The following PKD1L1 variants were observed in gnomAD, a reference collection of about 807,000 sequenced individuals.
PKD1L1 encodes polycystin 1 like 1, transient receptor potential channel interacting.
PKD1L1 carries 236 observed loss-of-function variants against 323.4 expected under a neutral mutation model. The ratio of observed to expected loss-of-function variants is 0.73; its 90% CI spans 0.66 to 0.81. PKD1L1 has a LOEUF of 0.81. PKD1L1 is among the 40% of genes least tolerant of loss of function. The pLI is 0.00. For missense variants in PKD1L1, 3,320 were observed against 3,508.0 expected, an observed-to-expected ratio of 0.95 and a Z score of 1.35; for synonymous variants, 1,344 against 1,335.0, an observed-to-expected ratio of 1.01 and a Z score of -0.15.
chr7:47,823,062 C>A (rs1785178427), intron 45 of PKD1L1, among the ~76,000 whole-genome samples: 1 of 151,342 alleles, frequency 6.6e-6, no homozygotes, highest in Non-Finnish European at 1.5e-5. Flanking sequence ...TAACTTCTTT[C>A]TCTTGCCTAT....
At chr7:47,857,471 G>A (rs541840571) in intron 28 of PKD1L1, 134 bp downstream of exon 28, 2 of 685,144 alleles carry the variant, frequency 2.9e-6, no homozygotes, top group African/African-American at 1.8e-5. Context: ...GATCCCTCTT[G>A]GCACTGAGAG....
In PKD1L1 at chr7:47,910,335, C is replaced by CTT. The variant is rs764658101; in HGVS notation, c.1229-2087_1229-2086dup. ...CCAAATCTTAGGCATATCTTACTTT[C>CTT]TTTTTTTTTTTTTTTTTGAGACAGA... On this transcript the variant is annotated intron_variant, in intron 8 of 56. Transcript: ENST00000289672. 8.2e-4 allele frequency among the ~76,000 whole-genome samples: 113 copies of CTT among 137,524 alleles called. 1 individual carries two copies. The highest frequency in any genetic ancestry group is 3.1e-3 in the Admixed American group (43 of 13,830). 90.2% of individuals were successfully genotyped at this position (137,524 alleles called of 152,430 possible).
At chr7:47,785,210 G>C (rs575250705) in intron 56 of PKD1L1, among the ~76,000 whole-genome samples, 7 of 152,056 alleles carry the variant, frequency 4.6e-5, no homozygotes, top group Non-Finnish European at 1.0e-4. Context: ...ACCCCTCTCG[G>C]CTTCACATGA....
intron 34 of PKD1L1, among the ~76,000 whole-genome samples, chr7:47,842,522 C>T (rs925502579): frequency 4.6e-5 from 7 of 152,154 alleles, no homozygotes; most frequent in African/African-American, 7.2e-5. Flanking sequence ...CAGCTCACCG[C>T]GGCACCCCTG....
Position 47,852,618 on chromosome 7 carries a change from C to T in PKD1L1, c.4960+509G>A, listed in dbSNP as rs113815792. 3.2e-3 allele frequency among the ~76,000 whole-genome samples: 484 copies of T among 152,246 alleles called. 7 individuals carry two copies. Among genetic ancestry groups the T allele is most frequent in the African/African-American group, 0.011 (469 of 41,528 alleles). ...TTTTGGGGAAGGGGTTACTGAGGCT[C>T]AGAATCCTAAGCCACCAGGGGCAGA... On this transcript the variant is annotated intron_variant, in intron 31 of 56. Transcript: ENST00000289672.
chr7:47,813,837 A>C, intron 48 of PKD1L1, 94 bp downstream of exon 48: 2 of 1,057,302 alleles, frequency 1.9e-6, no homozygotes, highest in Non-Finnish European at 2.9e-6. Context: ...CTCACAGAGA[A>C]GTTCAAATGA....
intron 7 of PKD1L1, 23 bp downstream of exon 7, chr7:47,929,181 G>A: frequency 1.2e-6 from 2 of 1,603,682 alleles, no homozygotes; most frequent in Non-Finnish European, 1.7e-6. Flanking sequence ...CCAGGCTCCT[G>A]ATAAGGACAC....
chr7:47,869,411 A>C (rs1049475955), intron 24 of PKD1L1, among the ~76,000 whole-genome samples: 1 of 152,202 alleles, frequency 6.6e-6, no homozygotes, highest in Admixed American at 6.5e-5. Context: ...TGTAAGTAAA[A>C]GGATGGAAAG....
intron 56 of PKD1L1, among the ~76,000 whole-genome samples, chr7:47,787,102 T>G (rs1454294067): frequency 6.6e-6 from 1 of 152,122 alleles, no homozygotes. Flanking sequence ...GTTAGGAAAT[T>G]CAAACGAATT....
chr7:47,908,300 A>AT lies in PKD1L1; in HGVS notation c.1229-51dup, dbSNP rs779207459. ...ACTTGATGAATTTTTAATAACAAGC[A>AT]TAACAGTTAACATTTGTAGAATGGT... On this transcript the variant is annotated intron_variant, in intron 8 of 56. Coordinates refer to ENST00000289672, the MANE Select transcript of PKD1L1 (RefSeq NM_138295.5). The AT allele has an allele frequency of 1.2e-4, 180 of 1,531,126 alleles. 3 individuals carry two copies. The South Asian group carries it at 2.0e-3, about 17-fold the overall frequency. The allele number at this position is 1,531,126 out of a possible 1,614,324, so 94.8% of individuals were successfully genotyped here.
At chr7:47,849,164 G>A (rs754134917) in intron 31 of PKD1L1, among the ~76,000 whole-genome samples, 1 of 152,152 alleles carries the variant, frequency 6.6e-6, no homozygotes, top group Non-Finnish European at 1.5e-5. Flanking sequence ...AATAAAACTG[G>A]ATCCTCATCT....
At chr7:47,886,337 T>C (rs1786684652) in intron 17 of PKD1L1, among the ~76,000 whole-genome samples, 1 of 152,048 alleles carries the variant, frequency 6.6e-6, no homozygotes, top group South Asian at 2.1e-4. Flanking sequence ...ATCTGCTGAA[T>C]CCTATGCACT....
chr7:47,857,157 G>A lies in PKD1L1; in HGVS notation c.4590+448C>T, dbSNP rs557216180. On this transcript the variant is annotated intron_variant, in intron 28 of 56. Transcript: ENST00000289672. ...CCTCTCTGGTGAGCAGGGAGGATGG[G>A]GGGTAAGCACTGCCATGTCCTCAGC... 1.2e-4 allele frequency among the ~76,000 whole-genome samples: 18 copies of A among 152,334 alleles called. No individual in the cohort carries two copies. The South Asian group carries it at 3.7e-3, about 32-fold the overall frequency.
chr7:47,948,251 C>G, intron 1 of PKD1L1, 146 bp downstream of exon 1: 2 of 879,866 alleles, frequency 2.3e-6, no homozygotes, highest in Non-Finnish European at 3.6e-6. Context: ...CTGACCCCGC[C>G]GGCCAAATGC....
chr7:47,838,030 G>A (rs1192990992), intron 36 of PKD1L1, among the ~76,000 whole-genome samples: 1 of 152,202 alleles, frequency 6.6e-6, no homozygotes, highest in Non-Finnish European at 1.5e-5. Flanking sequence ...AACAGCTGGA[G>A]GATAAGCAAC....
intron 9 of PKD1L1, among the ~76,000 whole-genome samples, chr7:47,906,748 T>A (rs549929692): frequency 1.0e-3 from 154 of 152,288 alleles, no homozygotes; most frequent in Non-Finnish European, 1.7e-3. Flanking sequence ...TAAAGCAGAA[T>A]GGGTATTCTG....
intron 56 of PKD1L1, among the ~76,000 whole-genome samples, chr7:47,786,619 T>C (rs1262954818): frequency 6.6e-6 from 1 of 152,246 alleles, no homozygotes; most frequent in Non-Finnish European, 1.5e-5. Context: ...TGGATGTTCC[T>C]GCCTTACGCA....
chr7:47,908,069 C>T lies in PKD1L1; in HGVS notation c.1402+8G>A, dbSNP rs752365246. ...TGTGCTTGCTCAGACTCCAGACATACGTCTTACTTTTCTGATTCACTTGGG... is the reference window on the plus strand; with the variant it reads ...TGTGCTTGCTCAGACTCCAGACATATGTCTTACTTTTCTGATTCACTTGGG... On this transcript the variant is annotated splice_region_variant and intron_variant, in intron 9 of 56. Coordinates refer to ENST00000289672, the MANE Select transcript of PKD1L1 (RefSeq NM_138295.5). 67 of 1,612,354 alleles carry T rather than the reference C, an allele frequency of 4.2e-5. No homozygotes were observed. Among genetic ancestry groups the T allele is most frequent in the Middle Eastern group, 1.8e-4 (1 of 5,504 alleles).
At position 47,890,712 on chromosome 7, in the gene PKD1L1, G is replaced by T; in HGVS notation, c.2505C>A (p.Asp835Glu). The T allele has an allele frequency of 5.6e-6, 9 of 1,613,432 alleles. No individual in the cohort carries two copies. The highest frequency in any genetic ancestry group is 7.6e-6 in the Non-Finnish European group (9 of 1,180,042). The change falls in exon 16 of 57, where the codon GAC becomes GAA. Residue 835 changes from aspartate to glutamate, a missense_variant. Transcript: ENST00000289672. ...TAGSPAHPCF[D>E]SSTAHQLDAA... ...CATCCAGTTGGTGTGCAGTGGAGGA[G>T]TCGAAGCAGGGATGTGCTGGGGAGC... is the stretch of plus-strand genomic sequence containing the variant.
Sources: gnomAD v4.1 joint callset for allele counts (sites outside exome capture counted in the v4.1 genomes callset) on GRCh38, gnomAD v4.1.1 for gene constraint, MANE v1.5 for transcripts, NCBI Gene and HGNC (gene_info 2026-07-23, HGNC 2026-07-21) for gene names.